DGLUCY: variants seen among roughly 807,000 people sequenced by gnomAD.
DGLUCY encodes the protein D-glutamate cyclase.
In DGLUCY, 58 loss-of-function variants were observed where a neutral mutation model predicts 58.5. The ratio of observed to expected loss-of-function variants is 0.99; its 90% confidence interval spans 0.80 to 1.23. The LOEUF (loss-of-function observed/expected upper bound fraction) is 1.23. Among genes scored for constraint, DGLUCY ranks in the 50% most tolerant of loss-of-function variants. The pLI is 0.00. For missense variants in DGLUCY, 779 were observed against 784.7 expected (o/e 0.99, Z 0.09); for synonymous variants, 325 against 314.1 (o/e 1.03, Z -0.37).
intron 10 of DGLUCY, 65 bp downstream of exon 10, chr14:91,196,539 C>A: frequency 1.5e-6 from 2 of 1,359,404 alleles, no homozygotes; most frequent in Non-Finnish European, 2.1e-6. Flanking sequence ...CTTCACTTAG[C>A]CAACAAAGTG....
At position 91,135,619 on chromosome 14, in the gene DGLUCY, T is replaced by C. The variant is rs755152257; in HGVS notation, c.-82+21336T>C. Among the ~76,000 whole-genome samples the C allele has an allele frequency of 3.0e-3, 421 of 139,464 alleles. 1 individual carries two copies. Among genetic ancestry groups the C allele is most frequent in the Non-Finnish European group, 4.3e-3 (283 of 66,406 alleles). 91.5% of individuals were successfully genotyped at this position (139,464 alleles called of 152,430 possible). On this transcript the variant is annotated intron_variant, in intron 1 of 13. Transcript: ENST00000256324. ...GAGCCGAGATCGAGCCACTGCACTCTAGCCTGGGCAACAAGAGTGAAACTC... is the reference window on the plus strand; with the variant it reads ...GAGCCGAGATCGAGCCACTGCACTCCAGCCTGGGCAACAAGAGTGAAACTC...
chr14:91,160,740 C>T (rs1054743817), intron 3 of DGLUCY, among the ~76,000 whole-genome samples: 2 of 152,144 alleles, frequency 1.3e-5, no homozygotes, highest in South Asian at 2.1e-4. Flanking sequence ...GCAGTTTAAC[C>T]AGATTTTGAT....
At chr14:91,220,706 G>A (rs1466355346) in intron 13 of DGLUCY, 1 of 455,304 alleles carries the variant, frequency 2.2e-6, no homozygotes, top group Non-Finnish European at 4.4e-6. Flanking sequence ...TGCAAGATGA[G>A]ACCATGATTA....
chr14:91,110,016 T>C (rs2044666191), upstream of DGLUCY, among the ~76,000 whole-genome samples: 1 of 152,278 alleles, frequency 6.6e-6, no homozygotes, highest in African/African-American at 2.4e-5. Context: ...TTACTTGGCA[T>C]ACAATAGTTA....
intron 1 of DGLUCY, among the ~76,000 whole-genome samples, chr14:91,081,089 G>A (rs375898670): frequency 2.6e-5 from 4 of 152,176 alleles, no homozygotes; most frequent in East Asian, 3.9e-4. Flanking sequence ...TGTAGTCCCA[G>A]CTGCTGGGGA....
intron 1 of DGLUCY, among the ~76,000 whole-genome samples, chr14:91,064,686 A>G (rs1075014): frequency 0.29 from 44,217 of 151,396 alleles, 6,555 homozygotes; most frequent in Middle Eastern, 0.33. Flanking sequence ...AGAGGTAGAA[A>G]AGGAAAACCT....
intron 13 of DGLUCY, among the ~76,000 whole-genome samples, chr14:91,221,985 A>C (rs956962140): frequency 4.6e-5 from 7 of 151,772 alleles, no homozygotes; most frequent in African/African-American, 1.7e-4. Flanking sequence ...GCCTCTACAC[A>C]CTCAGCATCC....
chr14:91,215,721 T>G, intron 13 of DGLUCY, 165 bp downstream of exon 13: 3 of 1,519,488 alleles, frequency 2.0e-6, no homozygotes, highest in Non-Finnish European at 2.6e-6. Flanking sequence ...GGGTGCCCTT[T>G]AAGCTACTCG....
At chr14:91,084,219 T>A (rs2044174183) in intron 1 of DGLUCY, among the ~76,000 whole-genome samples, 1 of 151,428 alleles carries the variant, frequency 6.6e-6, no homozygotes, top group South Asian at 2.1e-4. Context: ...TTTTTTTTTT[T>A]TTGAGATGGA....
At chr14:91,072,246 T>A (rs1017231859) in intron 1 of DGLUCY, among the ~76,000 whole-genome samples, 43 of 150,950 alleles carry the variant, frequency 2.8e-4, no homozygotes, top group African/African-American at 1.0e-3. Flanking sequence ...ATCTCTTGAA[T>A]GTGGGAGTTG....
chr14:91,071,251 G>A (rs2043911127), intron 1 of DGLUCY, among the ~76,000 whole-genome samples: 1 of 150,706 alleles, frequency 6.6e-6, no homozygotes, highest in African/African-American at 2.4e-5. Context: ...GCAGGAGAAT[G>A]GTGTGAACTC....
Position 91,224,826 on chromosome 14 carries a change from A to AC in DGLUCY, c.1859_1860insC (p.Gln620HisfsTer40). 6.2e-7 allele frequency: 1 copy of AC among 1,611,580 alleles called. No homozygotes were observed. The highest frequency in any genetic ancestry group is 1.7e-4 in the Middle Eastern group (1 of 5,974). On this transcript the variant is annotated frameshift_variant, in exon 14 of 14. Coordinates refer to ENST00000256324, the MANE Select transcript of DGLUCY (RefSeq NM_001102368.3). LOFTEE classifies it high-confidence loss of function. ...AAGCTGGTGGACGTCACCACGGCAC[A>AC]GGTGTAACCGTCCATGTTCCGTGTG...
chr14:91,200,388 A>C (rs1416468498), intron 11 of DGLUCY, among the ~76,000 whole-genome samples: 1 of 152,174 alleles, frequency 6.6e-6, no homozygotes, highest in Non-Finnish European at 1.5e-5. Flanking sequence ...TTAGAAATCC[A>C]ACATCCTCAC....
chr14:91,152,009 AC>A (rs1166593356), intron 1 of DGLUCY, among the ~76,000 whole-genome samples: 6 of 151,960 alleles, frequency 3.9e-5, no homozygotes, highest in Non-Finnish European at 5.9e-5. Flanking sequence ...ACGGAGTCCT[AC>A]CTTACTCAGC....
In DGLUCY at chr14:91,173,401, G is replaced by C; in HGVS notation, c.569G>C (p.Gly190Ala). 1.2e-6 allele frequency: 2 copies of C among 1,610,878 alleles called. No homozygotes were observed. Among genetic ancestry groups the C allele is most frequent in the Non-Finnish European group, 1.7e-6 (2 of 1,179,192 alleles). ...EGLVRACCSL[G>A]GEQGQPVHMG... is the part of the protein sequence containing the mutation. ...CTGGTGCGGGCCTGCTGCTCCCTCG[G>C]AGGTGAGCAGGGGCAACCTGTTCAC... Residue 190 changes from glycine (G) to alanine (A), a missense_variant, in exon 6 of 14, where the codon GGA becomes GCA. Coordinates refer to ENST00000256324, the MANE Select transcript of DGLUCY (RefSeq NM_001102368.3).
intron 3 of DGLUCY, among the ~76,000 whole-genome samples, chr14:91,165,853 T>C (rs2048254342): frequency 6.6e-6 from 1 of 152,170 alleles, no homozygotes; most frequent in African/African-American, 2.4e-5. Context: ...ACCCCAGAAA[T>C]GCACATTTAT....
chr14:91,200,960 G>C (rs116235761), intron 11 of DGLUCY, among the ~76,000 whole-genome samples: 2,384 of 151,896 alleles, frequency 0.016, 28 homozygotes, highest in Admixed American at 0.024. Flanking sequence ...TCTCAAGGGT[G>C]GGGGAGGATA....
intron 1 of DGLUCY, among the ~76,000 whole-genome samples, chr14:91,134,606 T>G (rs2046220063): frequency 6.6e-6 from 1 of 152,020 alleles, no homozygotes; most frequent in African/African-American, 2.4e-5. Context: ...TTCGGCTAAT[T>G]TTTGTATTTT....
chr14:91,166,870 C>T (rs1437384801), intron 3 of DGLUCY, among the ~76,000 whole-genome samples: 2 of 152,046 alleles, frequency 1.3e-5, no homozygotes, highest in African/African-American at 2.4e-5. Context: ...GAGGCCGAGG[C>T]GGGTGGATCA....
Sources: allele counts gnomAD v4.1 joint callset (sites outside exome capture counted in the v4.1 genomes callset), GRCh38; gene constraint gnomAD v4.1.1; transcripts MANE v1.5; gene names NCBI Gene and HGNC (gene_info 2026-07-23, HGNC 2026-07-21).